EXD3: variants seen among roughly 807,000 people sequenced by gnomAD.
EXD3 encodes exonuclease mut-7 homolog.
A neutral mutation model predicts 98.0 loss-of-function variants in EXD3; 92 were observed. That is an observed-to-expected ratio of 0.94 (90% CI 0.79 to 1.12). The LOEUF is 1.12. EXD3 is among the 50% of genes most tolerant of loss of function. The pLI, the probability that EXD3 is intolerant of heterozygous loss-of-function variation, is 0.00. For missense variants in EXD3, 1,222 were observed against 1,191.6 expected (o/e 1.03, Z -0.38); for synonymous variants, 569 against 526.0 (o/e 1.08, Z -1.12).
chr9:137,349,079 T>C lies in EXD3; in HGVS notation c.1830+31A>G. The stretch of plus-strand genomic sequence containing the variant: ...CAGGGATCTCCTTCCCCAAGAATGC[T>C]GACAAACGGACCCTGCGGGGCTTCA... On this transcript the variant is annotated intron_variant, in intron 16 of 21. Transcript: ENST00000340951. This position sits in a 1 kb window ranked among gnomAD's most constrained non-coding sequence, Gnocchi z 7.4. 1 of 1,554,258 alleles carries C rather than the reference T, an allele frequency of 6.4e-7. No individual in the cohort carries two copies. The highest frequency in any genetic ancestry group is 8.7e-7 in the Non-Finnish European group (1 of 1,155,750).
chr9:137,370,125 TG>T (rs1380725760), intron 5 of EXD3, among the ~76,000 whole-genome samples: 4 of 152,158 alleles, frequency 2.6e-5, no homozygotes, highest in African/African-American at 7.2e-5. Context: ...GGTGGGGGGC[TG>T]GGGGGTGGCT....
At chr9:137,354,915 T>C (rs1227489707) in intron 8 of EXD3, 142 bp from the exon 9 acceptor site, 6 of 811,560 alleles carry the variant, frequency 7.4e-6, no homozygotes, top group Non-Finnish European at 1.1e-5. Context: ...CACCCCCTCC[T>C]CACCACCTGG....
intron 17 of EXD3, among the ~76,000 whole-genome samples, chr9:137,337,466 T>C (rs541554310): frequency 4.6e-5 from 7 of 151,962 alleles, no homozygotes; most frequent in South Asian, 4.2e-4. Context: ...GCCTGGCCAA[T>C]ATGGTGAAAC....
At chr9:137,355,710 A>AGGAAGGAGGAAGGAGAAAGGGAGGAAGGC (rs1564509295) in intron 8 of EXD3, among the ~76,000 whole-genome samples, 2 of 99,562 alleles carry the variant, frequency 2.0e-5, no homozygotes, top group South Asian at 4.4e-4. Flanking sequence ...AGGAGGAAGG[A>AGGAAGGAGGAAGGAGAAAGGGAGGAAGGC]GGAAGGAGGA....
intron 19 of EXD3, among the ~76,000 whole-genome samples, chr9:137,320,266 TCG>T (rs1831963079): frequency 2.6e-5 from 4 of 152,174 alleles, no homozygotes; most frequent in Admixed American, 2.0e-4. Context: ...AGGTGGCAGG[TCG>T]CTGCCTGGGG....
chr9:137,313,195 A>G (rs1389489493), intron 19 of EXD3, among the ~76,000 whole-genome samples: 1 of 152,154 alleles, frequency 6.6e-6, no homozygotes, highest in Non-Finnish European at 1.5e-5. Context: ...CCAGGGCCAC[A>G]GCATGTGGGG....
intron 3 of EXD3, among the ~76,000 whole-genome samples, chr9:137,379,984 C>T (rs1394657447): frequency 6.6e-6 from 1 of 151,952 alleles, no homozygotes; most frequent in Admixed American, 6.6e-5. Flanking sequence ...CCCTGCCAGC[C>T]TCAGGGTCCC....
Position 137,324,348 on chromosome 9 carries a change from C to T in EXD3, c.1999-205G>A, listed in dbSNP as rs1168775275. Among the ~76,000 whole-genome samples, 1 of 152,182 alleles carries T rather than the reference C, an allele frequency of 6.6e-6. No homozygotes were observed. The highest frequency in any genetic ancestry group is 1.5e-5 in the Non-Finnish European group (1 of 68,044). Reference sequence around the variant, plus strand: ...TGTCGCCTCATTGTATAGATTTAATCTTGGCACCACGCAAACATTTTTTTT... The same window carrying T: ...TGTCGCCTCATTGTATAGATTTAATTTTGGCACCACGCAAACATTTTTTTT... On this transcript the variant is annotated intron_variant, in intron 17 of 21. Coordinates refer to ENST00000340951, the MANE Select transcript of EXD3 (RefSeq NM_017820.5). This position sits in a 1 kb window ranked among gnomAD's most constrained non-coding sequence, Gnocchi z 4.1.
intron 3 of EXD3, chr9:137,374,788 T>G (rs1199728744): frequency 4.4e-5 from 43 of 985,374 alleles, no homozygotes; most frequent in Non-Finnish European, 5.1e-5. Flanking sequence ...AAAGCCGCCC[T>G]TAAACAAAGC....
intron 17 of EXD3, among the ~76,000 whole-genome samples, chr9:137,336,493 T>G (rs1370041591): frequency 6.6e-6 from 1 of 151,890 alleles, no homozygotes; most frequent in African/African-American, 2.4e-5. Context: ...AAACCTCATA[T>G]CTACTAAAAA....
chr9:137,354,871 C>A (rs1017779476), intron 8 of EXD3, 98 bp from the exon 9 acceptor site: 5 of 1,205,774 alleles, frequency 4.1e-6, no homozygotes, highest in African/African-American at 3.0e-5. Flanking sequence ...GCTGCGCCTG[C>A]CCCTTCACCG....
intron 7 of EXD3, among the ~76,000 whole-genome samples, chr9:137,363,283 CT>C (rs113879712): frequency 1.6e-3 from 201 of 122,100 alleles, no homozygotes; most frequent in South Asian, 5.0e-3. Flanking sequence ...TTGGGCTGCG[CT>C]TTTTTTTTTT....
At chr9:137,332,864 C>G (rs544877185) in intron 17 of EXD3, among the ~76,000 whole-genome samples, 2 of 152,076 alleles carry the variant, frequency 1.3e-5, no homozygotes, top group Non-Finnish European at 2.9e-5. Flanking sequence ...AAAAACAAAT[C>G]TGGAGGCATC....
At chr9:137,318,731 C>T (rs1831854363) in intron 19 of EXD3, among the ~76,000 whole-genome samples, 1 of 152,118 alleles carries the variant, frequency 6.6e-6, no homozygotes, top group Non-Finnish European at 1.5e-5. Flanking sequence ...CCCTCCCTGC[C>T]TGGCTCAGGG....
chr9:137,314,615 C>A (rs1056597444), intron 19 of EXD3, among the ~76,000 whole-genome samples: 1 of 152,094 alleles, frequency 6.6e-6, no homozygotes, highest in African/African-American at 2.4e-5. Context: ...CCTGTCCCCC[C>A]GCCCCCAGGG....
rs763608207 is a variant in EXD3 at position 137,351,163 on chromosome 9, A to G, written c.1385-16T>C. ...ATCCCGTAGCCTGTGGGCAGGAACCATCGTGGGAGGGGCGCCTGCAGGCAG... is the reference window on the plus strand; with the variant it reads ...ATCCCGTAGCCTGTGGGCAGGAACCGTCGTGGGAGGGGCGCCTGCAGGCAG... On this transcript the variant is annotated splice_polypyrimidine_tract_variant and intron_variant, in intron 13 of 21. Coordinates refer to ENST00000340951, the MANE Select transcript of EXD3 (RefSeq NM_017820.5). The G allele has an allele frequency of 2.6e-6, 4 of 1,560,174 alleles. No individual in the cohort carries two copies. The South Asian group carries it at 4.7e-5, about 18-fold the overall frequency.
rs1054558538 is a variant in EXD3 at position 137,352,259 on chromosome 9, C to G, written c.1038-58G>C. 10 of 1,605,388 alleles carry G rather than the reference C, an allele frequency of 6.2e-6. No homozygotes were observed. In the Admixed American group the frequency reaches 1.7e-4, roughly 27 times the overall value. On this transcript the variant is annotated intron_variant, in intron 11 of 21. Coordinates refer to ENST00000340951, the MANE Select transcript of EXD3 (RefSeq NM_017820.5). ...TCCCTGGTCCCCCACCCACTCTGAC[C>G]TCGGAGCAGGAGGGGAGCATTCAGG... is the stretch of plus-strand genomic sequence containing the variant.
At chr9:137,346,296 G>A (rs1371713678) in intron 17 of EXD3, among the ~76,000 whole-genome samples, 1 of 144,934 alleles carries the variant, frequency 6.9e-6, no homozygotes, top group East Asian at 2.0e-4. Flanking sequence ...AAAAAAAGAG[G>A]GAATAAATGT....
intron 17 of EXD3, among the ~76,000 whole-genome samples, chr9:137,334,953 T>C (rs1833278537): frequency 1.3e-5 from 2 of 151,984 alleles, no homozygotes. Flanking sequence ...GGCAGGCGCC[T>C]GTAGTCCCAG....
Sources: gnomAD v4.1 joint callset for allele counts (sites outside exome capture counted in the v4.1 genomes callset) on GRCh38, gnomAD v4.1.1 for gene constraint, Gnocchi (gnomAD v3.1) non-coding constraint, MANE v1.5 for transcripts, NCBI Gene and HGNC (gene_info 2026-07-23, HGNC 2026-07-21) for gene names.